TBC1D5: variants seen among roughly 807,000 people sequenced by gnomAD.
TBC1D5 encodes TBC1 domain family member 5, also known as TBC1 domain family, member 5.
A neutral mutation model predicts 100.3 loss-of-function variants in TBC1D5; 75 were observed. That is an observed-to-expected ratio of 0.75 (90% CI 0.62 to 0.91). The LOEUF (loss-of-function observed/expected upper bound fraction) is 0.91, where lower values mean the gene tolerates loss of function less well. Among genes scored for constraint, TBC1D5 ranks in the 40% least tolerant of loss-of-function variants. The pLI, the probability that TBC1D5 is intolerant of heterozygous loss-of-function variation, is 0.00. For synonymous variants in TBC1D5, 323 were observed against 325.6 expected (o/e 0.99, Z 0.09); for missense variants, 910 against 942.4 (o/e 0.97, Z 0.45).
rs374577715 is a variant in TBC1D5 at position 17,192,219 on chromosome 3, T to C, written c.1753-7011A>G. On this transcript the variant is annotated intron_variant, in intron 18 of 21. Coordinates refer to ENST00000253692, the Ensembl canonical transcript of TBC1D5. ...AAATCAAATAATGCAAATAACATAA[T>C]AGAGAAGAAAAAAGTGAAAGGTGAT... Among the ~76,000 whole-genome samples, 8 of 151,858 alleles carry C rather than the reference T, an allele frequency of 5.3e-5. No homozygotes were observed. The South Asian group carries it at 8.3e-4, about 16-fold the overall frequency.
At chr3:17,563,993 AGGAT>A (rs1207246524) in intron 2 of TBC1D5, among the ~76,000 whole-genome samples, 1 of 152,160 alleles carries the variant, frequency 6.6e-6, no homozygotes, top group Non-Finnish European at 1.5e-5. Context: ...CGTGTTAGCC[AGGAT>A]GGTCTCGATC....
chr3:17,212,850 T>C (rs2125982836), intron 18 of TBC1D5, among the ~76,000 whole-genome samples: 1 of 152,238 alleles, frequency 6.6e-6, no homozygotes, highest in Admixed American at 6.5e-5. Context: ...GAATCAAAAA[T>C]TAAAAAAATA....
chr3:17,673,206 T>C (rs778155256), intron 1 of TBC1D5, among the ~76,000 whole-genome samples: 1 of 152,178 alleles, frequency 6.6e-6, no homozygotes, highest in Non-Finnish European at 1.5e-5. Context: ...GGCAGTTATC[T>C]CTGGGAAGGG....
chr3:17,540,388 C>T (rs1186153691), intron 2 of TBC1D5, among the ~76,000 whole-genome samples: 2 of 152,188 alleles, frequency 1.3e-5, no homozygotes, highest in African/African-American at 4.8e-5. Context: ...CAATAAATAA[C>T]TGCCGAATAA....
chr3:17,214,652 A>AC (rs1169169492), intron 17 of TBC1D5, among the ~76,000 whole-genome samples: 1 of 152,110 alleles, frequency 6.6e-6, no homozygotes, highest in Admixed American at 6.6e-5. Flanking sequence ...AAAAAAAAAA[A>AC]AATCAAAGTT....
chr3:17,662,521 G>GAGAAAAATAT (rs1393284013), intron 1 of TBC1D5, among the ~76,000 whole-genome samples: 6 of 152,158 alleles, frequency 3.9e-5, no homozygotes, highest in Non-Finnish European at 7.4e-5. Context: ...TTATGTATTT[G>GAGAAAAATAT]ATTTTTTTCT....
At chr3:17,174,844 G>A (rs1008136964) in intron 19 of TBC1D5, among the ~76,000 whole-genome samples, 1 of 152,052 alleles carries the variant, frequency 6.6e-6, no homozygotes, top group Non-Finnish European at 1.5e-5. Context: ...CGCCCGCCTC[G>A]GCCTCCTAAA....
chr3:17,455,267 T>TA, intron 3 of TBC1D5, among the ~76,000 whole-genome samples: 1 of 147,160 alleles, frequency 6.8e-6, no homozygotes, highest in South Asian at 2.1e-4. Context: ...TATACATATA[T>TA]ACATATATGT....
chr3:17,314,107 T>C (rs2084376966), intron 13 of TBC1D5, among the ~76,000 whole-genome samples: 1 of 152,164 alleles, frequency 6.6e-6, no homozygotes, highest in Admixed American at 6.5e-5. Context: ...CTGCTCCCAC[T>C]TACATTTTCC....
chr3:17,491,919 TGGTCCTG>T (rs2095644652), intron 3 of TBC1D5, among the ~76,000 whole-genome samples: 1 of 152,202 alleles, frequency 6.6e-6, no homozygotes, highest in Non-Finnish European at 1.5e-5. Flanking sequence ...GAAATCCACC[TGGTCCTG>T]GGCTTTTTTT....
intron 2 of TBC1D5, among the ~76,000 whole-genome samples, chr3:17,566,299 CAA>C (rs1174064483): frequency 6.6e-6 from 1 of 151,658 alleles, no homozygotes; most frequent in Non-Finnish European, 1.5e-5. Context: ...GTTTTGACAC[CAA>C]GAGGCAGATT....
chr3:17,302,214 T>C (rs983942112), intron 14 of TBC1D5, among the ~76,000 whole-genome samples: 2 of 152,170 alleles, frequency 1.3e-5, no homozygotes, highest in Admixed American at 6.5e-5. Flanking sequence ...TGAAAATCCT[T>C]GTCATTCCTT....
In TBC1D5 at chr3:17,342,073, ATCTT is replaced by A. The variant is rs1363129727; in HGVS notation, c.995+29998_995+30001del. 3.3e-5 allele frequency among the ~76,000 whole-genome samples: 5 copies of A among 152,306 alleles called. No homozygotes were observed. The East Asian group carries it at 9.6e-4, about 29-fold the overall frequency. ...TTAGGGCCATTCTGCTGCCACAGAT[ATCTT>A]TCTAAGATATAAATATGACCAATTC... On this transcript the variant is annotated intron_variant, in intron 13 of 21. Transcript: ENST00000253692.
chr3:17,683,822 G>A (rs2069853360), intron 1 of TBC1D5, among the ~76,000 whole-genome samples: 1 of 152,132 alleles, frequency 6.6e-6, no homozygotes, highest in African/African-American at 2.4e-5. Flanking sequence ...TAAAAGATAT[G>A]AGCTCTGTAT....
intron 15 of TBC1D5, among the ~76,000 whole-genome samples, chr3:17,282,479 C>T (rs1391147378): frequency 6.6e-6 from 1 of 152,162 alleles, no homozygotes; most frequent in Non-Finnish European, 1.5e-5. Flanking sequence ...GAAAAGTTTG[C>T]TTAATGAGAA....
exon 22 of TBC1D5, chr3:17,160,609 T>C: frequency 4.6e-6 from 1 of 218,160 alleles, no homozygotes; most frequent in Non-Finnish European, 9.2e-6. Context: ...GTGCCACACA[T>C]TCTTAGCTGG....
intron 1 of TBC1D5, among the ~76,000 whole-genome samples, chr3:17,654,998 G>A (rs1337927444): frequency 6.6e-6 from 1 of 151,388 alleles, no homozygotes; most frequent in African/African-American, 2.4e-5. Flanking sequence ...TGTGGGATCA[G>A]TGGTGATATC....
rs71049202 is a variant in TBC1D5 at position 17,497,087 on chromosome 3, G to GACACAC, written c.97+11381_97+11386dup. Reference sequence around the variant, plus strand: ...TCTCTCTTTCTTTCTCTCTCTCTCTGACACACACACACACACACACACACA... The same window carrying GACACAC: ...TCTCTCTTTCTTTCTCTCTCTCTCTGACACACACACACACACACACACACACACACA... On this transcript the variant is annotated intron_variant, in intron 3 of 21. Transcript: ENST00000253692. 2.6e-3 allele frequency among the ~76,000 whole-genome samples: 333 copies of GACACAC among 129,082 alleles called. 2 individuals are homozygous for GACACAC. The highest frequency in any genetic ancestry group is 0.019 in the East Asian group (77 of 4,024). The allele number at this position is 129,082 out of a possible 152,430, so 84.7% of individuals were successfully genotyped here.
At chr3:17,376,573 T>A in exon 10 of TBC1D5, 1 of 1,612,826 alleles carries the variant, frequency 6.2e-7, no homozygotes, top group Non-Finnish European at 8.5e-7. Context: ...GTGGTCACAG[T>A]GAAGGACAAA....
Sources: allele counts gnomAD v4.1 joint callset (sites outside exome capture counted in the v4.1 genomes callset), GRCh38; gene constraint gnomAD v4.1.1; transcripts MANE v1.5; gene names NCBI Gene and HGNC (gene_info 2026-07-23, HGNC 2026-07-21).